The following SPIRE1 variants were observed in gnomAD, a reference collection of about 807,000 sequenced individuals.
SPIRE1 encodes the protein spire type actin nucleation factor 1, also known as protein spire homolog 1.
A neutral mutation model predicts 94.1 loss-of-function variants in SPIRE1; 40 were observed. The ratio of observed to expected loss-of-function variants is 0.43; its 90% CI spans 0.33 to 0.55. SPIRE1 has a LOEUF of 0.55. SPIRE1 is among the 20% of genes least tolerant of loss of function. The pLI, the probability that SPIRE1 is intolerant of heterozygous loss-of-function variation, is 0.06. For missense variants in SPIRE1, 838 were observed against 975.2 expected, an observed-to-expected ratio of 0.86 and a Z score of 1.87; for synonymous variants, 376 against 371.7, an observed-to-expected ratio of 1.01 and a Z score of -0.13.
chr18:12,518,499 CAAAA>C (rs71172094), intron 4 of SPIRE1, among the ~76,000 whole-genome samples: 1 of 134,934 alleles, frequency 7.4e-6, no homozygotes. Context: ...CTCACACACA[CAAAA>C]AAAAAAAAGA....
intron 4 of SPIRE1, among the ~76,000 whole-genome samples, chr18:12,523,914 C>T (rs528793230): frequency 9.9e-5 from 15 of 152,244 alleles, no homozygotes; most frequent in African/African-American, 3.6e-4. Flanking sequence ...TAGTCTCAAA[C>T]TCCTAGGAAG....
chr18:12,474,619 C>T (rs546364238), intron 10 of SPIRE1, among the ~76,000 whole-genome samples: 9 of 152,228 alleles, frequency 5.9e-5, no homozygotes, highest in Non-Finnish European at 1.2e-4. Flanking sequence ...GTCAGAAGTT[C>T]GAGACCAGTC....
chr18:12,649,147 C>T (rs528710996), intron 1 of SPIRE1, among the ~76,000 whole-genome samples: 42 of 152,184 alleles, frequency 2.8e-4, no homozygotes, highest in African/African-American at 1.0e-3. Context: ...CACAGTGGCT[C>T]GCACCTGCAA....
At chr18:12,517,163 C>A (rs2034222076) in intron 4 of SPIRE1, among the ~76,000 whole-genome samples, 1 of 152,130 alleles carries the variant, frequency 6.6e-6, no homozygotes, top group Non-Finnish European at 1.5e-5. Context: ...ACAGATGAAA[C>A]ACAGCATTCA....
intron 12 of SPIRE1, among the ~76,000 whole-genome samples, chr18:12,455,854 G>T (rs912419793): frequency 4.6e-5 from 7 of 152,222 alleles, no homozygotes; most frequent in Admixed American, 4.6e-4. Flanking sequence ...TATGAATGCA[G>T]TCAGTTTATG....
chr18:12,461,490 GT>G (rs1367559067), intron 12 of SPIRE1, among the ~76,000 whole-genome samples: 1 of 133,418 alleles, frequency 7.5e-6, no homozygotes, highest in Admixed American at 7.1e-5. Context: ...ACATATGTGT[GT>G]ATGCACGTAC....
In SPIRE1 at chr18:12,657,892, A is replaced by G; in HGVS notation, c.-26T>C. The G allele has an allele frequency of 9.6e-7, 1 of 1,036,664 alleles. No individual in the cohort carries two copies. Among genetic ancestry groups the G allele is most frequent in the Non-Finnish European group, 1.2e-6 (1 of 866,360 alleles). 64.2% of individuals were successfully genotyped at this position (1,036,664 alleles called of 1,614,324 possible). A position where few individuals can be genotyped will look rare whatever the true frequency, so the allele number is the denominator to read the frequency against. On this transcript the variant is annotated 5_prime_UTR_variant, in exon 1 of 17. Coordinates refer to ENST00000409402, the MANE Select transcript of SPIRE1 (RefSeq NM_001128626.2). ...CCCGCGGGTGGGCGCTGCGCTCGGCAGTCGCGCCGTGTGCCGGCGTCTCCT... is the reference window on the plus strand; with the variant it reads ...CCCGCGGGTGGGCGCTGCGCTCGGCGGTCGCGCCGTGTGCCGGCGTCTCCT...
intron 3 of SPIRE1, among the ~76,000 whole-genome samples, chr18:12,540,536 C>T (rs993438917): frequency 1.3e-5 from 2 of 151,998 alleles, no homozygotes; most frequent in African/African-American, 4.8e-5. Context: ...CCACTATGCC[C>T]GGCTATTTTT....
In SPIRE1 at chr18:12,657,869, C is replaced by G. The variant is rs887143038; in HGVS notation, c.-3G>C. 2.8e-6 allele frequency: 3 copies of G among 1,063,942 alleles called. No homozygotes were observed. Among genetic ancestry groups the G allele is most frequent in the Non-Finnish European group, 3.4e-6 (3 of 884,134 alleles). The allele number at this position is 1,063,942 out of a possible 1,614,324, so 65.9% of individuals were successfully genotyped here. ...GCCGGGCCAGCCGCCTGAGCCATCC[C>G]GCGGGTGGGCGCTGCGCTCGGCAGT... On this transcript the variant is annotated 5_prime_UTR_variant, in exon 1 of 17. Coordinates refer to ENST00000409402, the MANE Select transcript of SPIRE1 (RefSeq NM_001128626.2).
chr18:12,539,712 G>A lies in SPIRE1; in HGVS notation c.604-4111C>T, dbSNP rs543313322. Among the ~76,000 whole-genome samples the A allele has an allele frequency of 1.8e-4, 28 of 151,852 alleles. No homozygotes were observed. The South Asian group carries it at 5.4e-3, about 29-fold the overall frequency. On this transcript the variant is annotated intron_variant, in intron 3 of 16. Transcript: ENST00000409402. ...GGGAGGCTGAGGTGGATCACCTGAG[G>A]TCAGGAGTTTGAGACCAGCCTGACC...
intron 6 of SPIRE1, among the ~76,000 whole-genome samples, chr18:12,499,786 T>A (rs188515933): frequency 2.1e-3 from 319 of 152,330 alleles, no homozygotes; most frequent in Non-Finnish European, 3.0e-3. Flanking sequence ...CAAAGGACAC[T>A]ATCAAGAGAG....
At chr18:12,498,952 TG>T (rs921634163) in intron 6 of SPIRE1, among the ~76,000 whole-genome samples, 4 of 152,154 alleles carry the variant, frequency 2.6e-5, no homozygotes, top group African/African-American at 9.7e-5. Context: ...TTTATGGAGA[TG>T]GGGTCTCACT....
rs11461725 is a variant in SPIRE1 at position 12,460,712 on chromosome 18, CA to C, written c.1638+2638del. Among the ~76,000 whole-genome samples, 286 of 140,408 alleles carry C rather than the reference CA, an allele frequency of 2.0e-3. 1 individual carries two copies. The highest frequency in any genetic ancestry group is 4.8e-3 in the African/African-American group (182 of 37,530). 92.1% of individuals were successfully genotyped at this position (140,408 alleles called of 152,430 possible). A position where few individuals can be genotyped will look rare whatever the true frequency, so the allele number is the denominator to read the frequency against. Reference sequence around the variant, plus strand: ...GCGCAACAAGAGCGGAACTCCATCTCAAAAAAAAAAAAAATTATCAACAATA... The same window carrying C: ...GCGCAACAAGAGCGGAACTCCATCTCAAAAAAAAAAAAATTATCAACAATA... On this transcript the variant is annotated intron_variant, in intron 12 of 16. Coordinates refer to ENST00000409402, the MANE Select transcript of SPIRE1 (RefSeq NM_001128626.2).
At position 12,479,683 on chromosome 18, in the gene SPIRE1, T is replaced by C. The variant is rs764455630; in HGVS notation, c.1404+16A>G. 1 of 1,588,040 alleles carries C rather than the reference T, an allele frequency of 6.3e-7. No individual in the cohort carries two copies. The highest frequency in any genetic ancestry group is 8.5e-7 in the Non-Finnish European group (1 of 1,170,646). On this transcript the variant is annotated intron_variant, in intron 10 of 16. Transcript: ENST00000409402. ...CCCTCATCTTGGGAGTCAAGCTGGG[T>C]GAACTGGGGCCTCACCTCAGACTCA...
chr18:12,519,732 A>T (rs1057257927), intron 4 of SPIRE1, among the ~76,000 whole-genome samples: 1 of 152,248 alleles, frequency 6.6e-6, no homozygotes, highest in African/African-American at 2.4e-5. Flanking sequence ...ATTTACAATA[A>T]GACAAATGCA....
chr18:12,580,848 G>A (rs913865976), intron 2 of SPIRE1, among the ~76,000 whole-genome samples: 57 of 152,068 alleles, frequency 3.7e-4, no homozygotes, highest in African/African-American at 1.4e-3. Context: ...TTCGACAAAC[G>A]CTTTCTTCAG....
intron 5 of SPIRE1, among the ~76,000 whole-genome samples, chr18:12,509,734 C>A (rs1160835335): frequency 6.6e-6 from 1 of 152,154 alleles, no homozygotes; most frequent in Non-Finnish European, 1.5e-5. Flanking sequence ...ATACAGACAG[C>A]AACATGGATG....
intron 1 of SPIRE1, chr18:12,656,614 A>C (rs763904327): frequency 1.7e-6 from 1 of 587,078 alleles, no homozygotes; most frequent in Non-Finnish European, 2.1e-6. Context: ...TCTAAAAGTG[A>C]GGGTAGATTG....
chr18:12,576,182 G>A (rs1034678486), intron 2 of SPIRE1, among the ~76,000 whole-genome samples: 3 of 149,704 alleles, frequency 2.0e-5, no homozygotes, highest in Admixed American at 6.6e-5. Flanking sequence ...CAGCCTGGGC[G>A]ATATAGTGAG....
Sources: allele counts gnomAD v4.1 joint callset (sites outside exome capture counted in the v4.1 genomes callset), GRCh38; gene constraint gnomAD v4.1.1; transcripts MANE v1.5; gene names NCBI Gene and HGNC (gene_info 2026-07-23, HGNC 2026-07-21).